Variants in TLN2 observed in about 807,000 individuals in gnomAD.
The protein encoded by TLN2 is talin 2, also known as talin-2.
Under a neutral mutation model 294.7 loss-of-function variants are expected in TLN2, and 118 were observed. The ratio of observed to expected loss-of-function variants is 0.40; its 90% confidence interval spans 0.34 to 0.47. TLN2 has a LOEUF of 0.47. Ranked by LOEUF, TLN2 falls within the 20% of genes least tolerant of loss-of-function variation. TLN2 has a pLI of 0.84. For synonymous variants in TLN2, 1,431 were observed against 1,304.5 expected (o/e 1.10, Z -2.09); for missense variants, 3,083 against 3,282.2 (o/e 0.94, Z 1.48).
intron 54 of TLN2, among the ~76,000 whole-genome samples, chr15:62,827,064 T>G (rs988720936): frequency 4.1e-5 from 2 of 48,268 alleles, no homozygotes; most frequent in African/African-American, 7.5e-5. Flanking sequence ...CAACAAAGCA[T>G]TCCCTCAAAG....
intron 2 of TLN2, among the ~76,000 whole-genome samples, chr15:62,615,508 A>G (rs1396325550): frequency 6.6e-6 from 1 of 152,224 alleles, no homozygotes; most frequent in Non-Finnish European, 1.5e-5. Context: ...TCTACTGTAT[A>G]TGCATCTTGT....
At chr15:62,716,637 G>A (rs953568777) in intron 23 of TLN2, among the ~76,000 whole-genome samples, 178 bp downstream of exon 23, 25 of 152,328 alleles carry the variant, frequency 1.6e-4, no homozygotes, top group African/African-American at 4.3e-4. Context: ...AACTGCTTCC[G>A]TAAGCTCGAA....
intron 27 of TLN2, 132 bp downstream of exon 27, chr15:62,725,236 A>G: frequency 7.5e-7 from 1 of 1,339,860 alleles, no homozygotes; most frequent in Non-Finnish European, 9.8e-7. Flanking sequence ...TTTTCTGAAA[A>G]GAATGCCCAG....
At chr15:62,620,133 A>C (rs1439283590) in intron 3 of TLN2, among the ~76,000 whole-genome samples, 1 of 151,950 alleles carries the variant, frequency 6.6e-6, no homozygotes, top group African/African-American at 2.4e-5. Flanking sequence ...GTTCCACCAC[A>C]CCGGCTATTT....
intron 42 of TLN2, among the ~76,000 whole-genome samples, chr15:62,776,296 A>G (rs978790818): frequency 6.6e-6 from 1 of 152,164 alleles, no homozygotes; most frequent in Non-Finnish European, 1.5e-5. Flanking sequence ...TAGGCACTCT[A>G]CAAATATATT....
chr15:62,826,271 AAAAGT>A (rs2068190630), intron 54 of TLN2, among the ~76,000 whole-genome samples: 1 of 152,174 alleles, frequency 6.6e-6, no homozygotes. Context: ...TTTTGAACAC[AAAAGT>A]AAAGCAATGG....
At chr15:62,466,541 T>G (rs2037146512) in intron 1 of TLN2, among the ~76,000 whole-genome samples, 1 of 152,240 alleles carries the variant, frequency 6.6e-6, no homozygotes, top group African/African-American at 2.4e-5. Context: ...GGGGTGAAAT[T>G]GCTCCTTGTT....
chr15:62,408,930 G>T (rs972393966), intron 1 of TLN2, among the ~76,000 whole-genome samples: 3 of 151,928 alleles, frequency 2.0e-5, no homozygotes, highest in African/African-American at 4.8e-5. Context: ...AAAGTGCTGG[G>T]ATTACAGGTG....
At chr15:62,513,905 G>T (rs1044916079) in intron 1 of TLN2, among the ~76,000 whole-genome samples, 1 of 152,224 alleles carries the variant, frequency 6.6e-6, no homozygotes, top group African/African-American at 2.4e-5. Context: ...CTCTGGCTCT[G>T]TTACACTGAT....
At chr15:62,458,790 C>A (rs1412282791) in intron 1 of TLN2, among the ~76,000 whole-genome samples, 1 of 151,964 alleles carries the variant, frequency 6.6e-6, no homozygotes, top group East Asian at 1.9e-4. Context: ...ATAAAAAACT[C>A]AAGGATGATG....
chr15:62,588,187 A>T (rs2045781838), intron 1 of TLN2, among the ~76,000 whole-genome samples: 1 of 152,036 alleles, frequency 6.6e-6, no homozygotes, highest in Non-Finnish European at 1.5e-5. Context: ...GCCTAAAATT[A>T]CATATTTTTA....
intron 2 of TLN2, among the ~76,000 whole-genome samples, chr15:62,592,985 A>C (rs1345932478): frequency 6.6e-6 from 1 of 152,226 alleles, no homozygotes; most frequent in Non-Finnish European, 1.5e-5. Context: ...GCTTGTAAGA[A>C]AAATATTTTA....
chr15:62,723,496 A>G (rs1477000023), intron 26 of TLN2, among the ~76,000 whole-genome samples: 1 of 151,584 alleles, frequency 6.6e-6, no homozygotes, highest in Admixed American at 6.6e-5. Context: ...GTGGGACTCA[A>G]GCAAGACTGT....
intron 9 of TLN2, among the ~76,000 whole-genome samples, chr15:62,670,921 T>G (rs1210833173): frequency 6.6e-6 from 1 of 152,216 alleles, no homozygotes; most frequent in Non-Finnish European, 1.5e-5. Flanking sequence ...AGGGTTCCAG[T>G]TTCTCTATGC....
At chr15:62,669,410 A>G (rs2055126680) in intron 9 of TLN2, among the ~76,000 whole-genome samples, 1 of 152,200 alleles carries the variant, frequency 6.6e-6, no homozygotes, top group African/African-American at 2.4e-5. Flanking sequence ...TACTGAGTCT[A>G]TTAGAGATTA....
intron 37 of TLN2, 112 bp downstream of exon 37, chr15:62,755,805 T>C: frequency 1.5e-6 from 2 of 1,368,594 alleles, no homozygotes; most frequent in Non-Finnish European, 2.0e-6. Flanking sequence ...GCTTAACTTC[T>C]AATTCAGTCT....
intron 1 of TLN2, among the ~76,000 whole-genome samples, chr15:62,494,330 A>C (rs562056341): frequency 3.3e-5 from 5 of 152,118 alleles, no homozygotes; most frequent in Admixed American, 1.3e-4. Context: ...GGCTTTAAAC[A>C]AAAGCAGGAG....
At position 62,728,005 on chromosome 15, in the gene TLN2, C is replaced by T. The variant is rs529607455; in HGVS notation, c.3358+816C>T. 8.5e-5 allele frequency among the ~76,000 whole-genome samples: 13 copies of T among 152,184 alleles called. No homozygotes were observed. The South Asian group carries it at 2.7e-3, about 32-fold the overall frequency. ...AGTATAATATATGCACAGAAGACAGCATAAATCCTAAATGGATACCTTCAT... is the reference window on the plus strand; with the variant it reads ...AGTATAATATATGCACAGAAGACAGTATAAATCCTAAATGGATACCTTCAT... On this transcript the variant is annotated intron_variant, in intron 28 of 58. Transcript: ENST00000636159.
rs1244244166 is a variant in TLN2, at chr15:62,722,379, C to T, written c.3018C>T (p.Ala1006=). The stretch of plus-strand genomic sequence containing the variant: ...CTGGAAGCAAGATGGTGTCCTCTGC[C>T]AAAGCCGCAGTGCCCACCGTGAGTG... The part of the protein sequence containing the change: ...LQPGSKMVSS[A]KAAVPTVSDQ... Residue 1006 remains alanine, a synonymous_variant, in exon 26 of 59, where the codon GCC becomes GCT. Transcript: ENST00000636159. 6.2e-7 allele frequency: 1 copy of T among 1,612,292 alleles called. No homozygotes were observed. The highest frequency in any genetic ancestry group is 2.2e-5 in the East Asian group (1 of 44,880).
Sources: gnomAD v4.1 joint callset for allele counts (sites outside exome capture counted in the v4.1 genomes callset) on GRCh38, gnomAD v4.1.1 for gene constraint, MANE v1.5 for transcripts, NCBI Gene and HGNC (gene_info 2026-07-23, HGNC 2026-07-21) for gene names.